The following MAGEA11 variants were observed in gnomAD, a reference collection of about 807,000 sequenced individuals.
The protein encoded by MAGEA11 is melanoma-associated antigen 11.
In MAGEA11, 1 loss-of-function variant was observed where a neutral mutation model predicts 8.4. The ratio of observed to expected loss-of-function variants is 0.12; its 90% CI spans 0.04 to 0.57. The LOEUF (loss-of-function observed/expected upper bound fraction) is 0.57. Among genes scored for constraint, MAGEA11 ranks in the 20% least tolerant of loss-of-function variants. The probability of loss-of-function intolerance (pLI) is 0.91; values close to 1 mark genes in which losing one functional copy is unlikely to be tolerated. For synonymous variants in MAGEA11, 127 were observed against 119.3 expected (o/e 1.06, Z -0.42); for missense variants, 209 against 317.3 (o/e 0.66, Z 2.59).
chrX:149,695,491 G>C, intron 1 of MAGEA11, among the ~76,000 whole-genome samples: 1 of 111,748 alleles, frequency 8.9e-6, no homozygotes, highest in Non-Finnish European at 1.9e-5. Flanking sequence ...GAAAACAGTT[G>C]CAAGCTATGT....
chrX:149,694,451 C>A (rs1336970815), intron 1 of MAGEA11, among the ~76,000 whole-genome samples: 1 of 112,087 alleles, frequency 8.9e-6, no homozygotes, highest in East Asian at 2.8e-4. Context: ...TCTTAATATT[C>A]TGGATATTAG....
chrX:149,694,754 C>T (rs1461732935), intron 1 of MAGEA11, among the ~76,000 whole-genome samples: 1 of 108,657 alleles, frequency 9.2e-6, no homozygotes, highest in Non-Finnish European at 1.9e-5. Flanking sequence ...AAAGTGTCAC[C>T]CTTGTTGCCC....
chrX:149,706,237 G>C (rs1557361455), intron 1 of MAGEA11, among the ~76,000 whole-genome samples: 1 of 111,645 alleles, frequency 9.0e-6, no homozygotes. Flanking sequence ...ATCCTAATTT[G>C]ACCTGAGGAT....
chrX:149,703,849 T>G (rs1278285199), intron 1 of MAGEA11, among the ~76,000 whole-genome samples: 1 of 112,193 alleles, frequency 8.9e-6, no homozygotes, highest in Non-Finnish European at 1.9e-5. Context: ...ACATTTTACA[T>G]ACAAGTGGCA....
At chrX:149,705,353 A>G (rs1386551262) in intron 1 of MAGEA11, among the ~76,000 whole-genome samples, 2 of 111,908 alleles carry the variant, frequency 1.8e-5, no homozygotes, top group Admixed American at 9.5e-5. Flanking sequence ...TTTTTACAAA[A>G]TGAGAGTTGC....
intron 1 of MAGEA11, among the ~76,000 whole-genome samples, chrX:149,703,874 C>A (rs1422847688): frequency 1.8e-5 from 2 of 111,890 alleles, no homozygotes; most frequent in Admixed American, 1.9e-4. Flanking sequence ...ATATGATGCT[C>A]ACATAAACAC....
At chrX:149,714,737 A>G (rs1253058398) in intron 3 of MAGEA11, among the ~76,000 whole-genome samples, 161 bp downstream of exon 3, 8 of 111,908 alleles carry the variant, frequency 7.1e-5, no homozygotes, top group Non-Finnish European at 1.3e-4. Flanking sequence ...GGAGCGGGAG[A>G]CATTGGTCTG....
At position 149,704,410 on chromosome X, in the gene MAGEA11, G is replaced by A. The variant is rs1160608251; in HGVS notation, c.10-10071G>A. On this transcript the variant is annotated intron_variant, in intron 1 of 3. Transcript: ENST00000333104. ...TTAAGTGGGATTGAGAAGGGACTTC[G>A]CTCACTATTTTCCTCCCCCTTTTTT... Among the ~76,000 whole-genome samples, 20 of 112,353 alleles carry A rather than the reference G, an allele frequency of 1.8e-4. No individual in the cohort carries two copies. In the Admixed American group the frequency reaches 1.8e-3, roughly 10 times the overall value.
rs782456489 is a variant in MAGEA11, at chrX:149,713,175, C to T, written c.16C>T (p.Arg6Cys). Residue 6 changes from arginine to cysteine, a missense_variant, in exon 2 of 5, where the codon CGC (arginine) becomes TGC (cysteine). Physicochemically the swap from Arg to Cys is radical, Grantham distance 180 (BLOSUM62 -3). This residue lies in a region of MAGEA11 where 131 missense variants were observed against 138.5 expected (regional missense o/e 0.95). Transcript: ENST00000355220. METQFRRGGLGCSPAS... is the reference protein window; with the variant it reads METQFCRGGLGCSPAS... ...AATCTGAGGGATGGAGACTCAGTTC[C>T]GCAGAGGGGGTCTGGGGTGCAGCCC... 20 of 1,205,334 alleles carry T rather than the reference C, an allele frequency of 1.7e-5. No homozygotes were observed. Among genetic ancestry groups the T allele is most frequent in the African/African-American group, 8.8e-5 (5 of 56,767 alleles).
chrX:149,696,006 C>A (rs1456908337), intron 1 of MAGEA11, among the ~76,000 whole-genome samples: 1 of 110,862 alleles, frequency 9.0e-6, no homozygotes, highest in Non-Finnish European at 1.9e-5. Flanking sequence ...TCTGGATTAG[C>A]ACATGGGGAC....
At chrX:149,704,260 T>C (rs2124293487) in intron 1 of MAGEA11, among the ~76,000 whole-genome samples, 1 of 112,164 alleles carries the variant, frequency 8.9e-6, no homozygotes, top group South Asian at 3.7e-4. Flanking sequence ...ATGGACAAGT[T>C]TCTGCATTGA....
chrX:149,689,695 C>T (rs2090302260), intron 1 of MAGEA11, among the ~76,000 whole-genome samples: 1 of 112,419 alleles, frequency 8.9e-6, no homozygotes, highest in African/African-American at 3.2e-5. Flanking sequence ...TGCACAGGCA[C>T]ATATCTATGT....
chrX:149,707,131 G>A (rs994819926), upstream of MAGEA11, among the ~76,000 whole-genome samples: 1 of 111,915 alleles, frequency 8.9e-6, no homozygotes, highest in Non-Finnish European at 1.9e-5. Context: ...TTGGCTGTTG[G>A]GTGTTTGGAA....
chrX:149,698,409 T>C (rs1265556580), intron 1 of MAGEA11, among the ~76,000 whole-genome samples: 1 of 112,159 alleles, frequency 8.9e-6, no homozygotes, highest in Non-Finnish European at 1.9e-5. Flanking sequence ...CTTTAGTCTG[T>C]TGATACAGTT....
At chrX:149,712,042 G>C (rs2090404060), upstream of MAGEA11, 1 of 749,797 alleles carries the variant, frequency 1.3e-6, no homozygotes, top group South Asian at 6.9e-5. Context: ...CCAGGCGTGG[G>C]GGCCGGATGT....
intron 1 of MAGEA11, among the ~76,000 whole-genome samples, chrX:149,692,670 G>C (rs2090315214): frequency 9.0e-6 from 1 of 111,731 alleles, no homozygotes; most frequent in South Asian, 3.7e-4. Flanking sequence ...TTCTCTTCAT[G>C]CATATTGTTC....
chrX:149,689,830 C>A (rs1380599700), intron 1 of MAGEA11, among the ~76,000 whole-genome samples: 1 of 112,554 alleles, frequency 8.9e-6, no homozygotes, highest in Non-Finnish European at 1.9e-5. Context: ...TCTTGTTTAC[C>A]CAGTTCTTCA....
chrX:149,689,289 T>C (rs782177857), intron 1 of MAGEA11, among the ~76,000 whole-genome samples: 9 of 111,144 alleles, frequency 8.1e-5, no homozygotes, highest in Middle Eastern at 4.2e-3. Context: ...CCTCTTCTAA[T>C]CTAGTGTGTT....
intron 1 of MAGEA11, among the ~76,000 whole-genome samples, chrX:149,712,550 T>C (rs2090406817): frequency 9.0e-6 from 1 of 111,439 alleles, no homozygotes; most frequent in African/African-American, 3.3e-5. Context: ...GAAGGGCGGC[T>C]TGTGACCTGC....
Sources: allele counts gnomAD v4.1 joint callset (sites outside exome capture counted in the v4.1 genomes callset), GRCh38; gene constraint gnomAD v4.1.1; regional missense constraint gnomAD v4.1.1; transcripts MANE v1.5; gene names NCBI Gene and HGNC (gene_info 2026-07-23, HGNC 2026-07-21).